The following PRSS55 variants were observed in gnomAD, a reference collection of about 807,000 sequenced individuals.
PRSS55 encodes the protein serine protease 55.
PRSS55 carries 41 observed loss-of-function variants against 23.6 expected under a neutral mutation model. The observed-to-expected ratio is 1.74, with a 90% CI of 1.35 to 2.26. PRSS55 has a LOEUF of 2.26. PRSS55 is among the 30% of genes most tolerant of loss of function. PRSS55 has a pLI of 0.00. For synonymous variants in PRSS55, 262 were observed against 175.5 expected (o/e 1.49, Z -3.90); for missense variants, 669 against 439.1 (o/e 1.52, Z -4.68).
In PRSS55 at chr8:10,538,787, G is replaced by A. The variant is rs1812550539; in HGVS notation, c.1053G>A (p.Leu351=). 6.4e-7 allele frequency: 1 copy of A among 1,558,428 alleles called. No individual in the cohort carries two copies. The highest frequency in any genetic ancestry group is 1.4e-5 in the African/African-American group (1 of 72,682). ...PLSHVLFRAI[L]Y Reference sequence around the variant, plus strand: ...CCCATGTGTTGTTCAGAGCTATTTTGTACTGATAATAAAATAGAGGCTATT... The same window carrying A: ...CCCATGTGTTGTTCAGAGCTATTTTATACTGATAATAAAATAGAGGCTATT... Residue 351 remains leucine (L), a synonymous_variant, in exon 5 of 5, where the codon TTG becomes TTA. Transcript: ENST00000328655.
chr8:10,536,581 G>A (rs759347332), intron 4 of PRSS55, among the ~76,000 whole-genome samples: 11 of 152,060 alleles, frequency 7.2e-5, no homozygotes, highest in Non-Finnish European at 1.5e-5. Flanking sequence ...TCGTCACAGC[G>A]CTATTCACAG....
chr8:10,525,990 A>G (rs901643540), intron 1 of PRSS55, among the ~76,000 whole-genome samples: 2 of 152,180 alleles, frequency 1.3e-5, no homozygotes, highest in South Asian at 2.1e-4. Flanking sequence ...CTTGCCTAGA[A>G]CTAGCTGAGA....
Position 10,533,002 on chromosome 8 carries a change from A to C in PRSS55, c.695A>C (p.Asn232Thr), listed in dbSNP as rs1366125244. The C allele has an allele frequency of 1.2e-6, 2 of 1,614,230 alleles. No homozygotes were observed. The highest frequency in any genetic ancestry group is 2.2e-5 in the South Asian group (2 of 91,078). Residue 232 changes from asparagine (N) to threonine (T), a missense_variant, in exon 4 of 5, where the codon AAT becomes ACT. Physicochemically the swap from Asn to Thr is moderately conservative, Grantham distance 65 (BLOSUM62 0). Transcript: ENST00000328655. ...AAGATGTTTCCAAAACTTACCAAAA[A>C]TATGCTGTGTGCCGGATACAAGAAT... ...CSKMFPKLTK[N>T]MLCAGYKNES...
At chr8:10,549,455 G>C (rs1312329134) in intron 4 of PRSS55, among the ~76,000 whole-genome samples, 1 of 152,230 alleles carries the variant, frequency 6.6e-6, no homozygotes, top group Non-Finnish European at 1.5e-5. Flanking sequence ...TCGGCATGTT[G>C]GGATGTGGGC....
downstream of PRSS55, among the ~76,000 whole-genome samples, chr8:10,543,042 C>T (rs185895203): frequency 5.3e-5 from 8 of 152,198 alleles, no homozygotes; most frequent in South Asian, 2.1e-4. Context: ...TTCTCAAGAT[C>T]CATTTCTTAT....
At chr8:10,539,104 C>T (rs957654069), downstream of PRSS55, among the ~76,000 whole-genome samples, 1 of 151,362 alleles carries the variant, frequency 6.6e-6, no homozygotes, top group Admixed American at 6.6e-5. Flanking sequence ...ATGATGACTT[C>T]AGGCGTGGCT....
downstream of PRSS55, among the ~76,000 whole-genome samples, chr8:10,541,974 A>C (rs1411917626): frequency 6.6e-6 from 1 of 152,040 alleles, no homozygotes; most frequent in Non-Finnish European, 1.5e-5. Flanking sequence ...TGGGAGTTTC[A>C]CTATGTTGCC....
Position 10,525,691 on chromosome 8 carries a change from A to T in PRSS55, c.106A>T (p.Arg36Trp). ...EAGVAILGRA[R>W]GAHRPQPPHP... The stretch of plus-strand genomic sequence containing the variant: ...TGGAGTGGCTATCCTAGGCAGGGCT[A>T]GGGGAGCCCACCGCCCTCAGCCCCC... The change falls in exon 1 of 5, where the codon AGG (arginine) becomes TGG (tryptophan). Residue 36 changes from arginine (R) to tryptophan (W), a missense_variant. Physicochemically the swap from Arg to Trp is moderately radical, Grantham distance 101. Coordinates refer to ENST00000328655, the MANE Select transcript of PRSS55 (RefSeq NM_198464.4). 1 of 1,613,758 alleles carries T rather than the reference A, an allele frequency of 6.2e-7. No individual in the cohort carries two copies. Among genetic ancestry groups the T allele is most frequent in the South Asian group, 1.1e-5 (1 of 91,022 alleles).
chr8:10,531,610 C>G (rs1361069291), intron 3 of PRSS55, 65 bp downstream of exon 3: 3 of 1,586,288 alleles, frequency 1.9e-6, no homozygotes, highest in Middle Eastern at 2.0e-4. Context: ...GGGGAGGAAG[C>G]TAAGGAAGGA....
chr8:10,532,159 G>C lies in PRSS55; in HGVS notation c.598+614G>C, dbSNP rs764945941. On this transcript the variant is annotated intron_variant, in intron 3 of 4. Transcript: ENST00000328655. ...CCTGAAGGAGGCTCTCGATCCACAG[G>C]GATGATTTGCAGCGAGCCTGGGCCT... Among the ~76,000 whole-genome samples, 8 of 152,292 alleles carry C rather than the reference G, an allele frequency of 5.3e-5. 1 individual carries two copies. Among genetic ancestry groups the C allele is most frequent in the Admixed American group, 3.9e-4 (6 of 15,292 alleles).
At position 10,529,593 on chromosome 8, in the gene PRSS55, T is replaced by C. The variant is rs995056848; in HGVS notation, c.241T>C (p.Trp81Arg). The C allele has an allele frequency of 1.9e-6, 3 of 1,614,182 alleles. No homozygotes were observed. The highest frequency in any genetic ancestry group is 2.5e-6 in the Non-Finnish European group (3 of 1,180,016). Residue 81 changes from tryptophan to arginine, a missense_variant, in exon 2 of 5, where the codon TGG (tryptophan) becomes CGG (arginine). Physicochemically the swap from Trp to Arg is moderately radical, Grantham distance 101. Coordinates refer to ENST00000328655, the MANE Select transcript of PRSS55 (RefSeq NM_198464.4). The part of the protein sequence containing the change: ...GMEAEVGEFP[W>R]QVSIQARSEP... The stretch of plus-strand genomic sequence containing the variant: ...GGAGGCGGAGGTGGGTGAGTTTCCG[T>C]GGCAGGTGAGTATTCAGGCAAGAAG...
intron 4 of PRSS55, among the ~76,000 whole-genome samples, chr8:10,551,935 G>A (rs1374800178): frequency 6.6e-6 from 1 of 152,222 alleles, no homozygotes; most frequent in African/African-American, 2.4e-5. Context: ...CCTGCCCAAA[G>A]AGGCAGTTAA....
intron 4 of PRSS55, among the ~76,000 whole-genome samples, chr8:10,533,765 C>A (rs754002819): frequency 6.6e-6 from 1 of 152,136 alleles, no homozygotes; most frequent in Non-Finnish European, 1.5e-5. Flanking sequence ...GCTCATTGGC[C>A]AGGCAGTGGA....
At position 10,529,623 on chromosome 8, in the gene PRSS55, C is replaced by T; in HGVS notation, c.271C>T (p.Pro91Ser). 2 of 1,614,146 alleles carry T rather than the reference C, an allele frequency of 1.2e-6. No homozygotes were observed. Among genetic ancestry groups the T allele is most frequent in the East Asian group, 2.2e-5 (1 of 44,878 alleles). The change falls in exon 2 of 5, where the codon CCT becomes TCT. Residue 91 changes from proline (P) to serine (S), a missense_variant. Transcript: ENST00000328655. ...GGTGAGTATTCAGGCAAGAAGTGAA[C>T]CTTTCTGTGGCGGCTCCATCCTCAA... Reference protein sequence around the residue: ...WQVSIQARSEPFCGGSILNKW... With the variant: ...WQVSIQARSESFCGGSILNKW...
In PRSS55 at chr8:10,538,610, C is replaced by A; in HGVS notation, c.876C>A (p.Asn292Lys). The A allele has an allele frequency of 2.5e-6, 4 of 1,614,160 alleles. No individual in the cohort carries two copies. The highest frequency in any genetic ancestry group is 1.3e-5 in the African/African-American group (1 of 75,040). Residue 292 changes from asparagine (N) to lysine (K), a missense_variant, in exon 5 of 5, where the codon AAC (asparagine) becomes AAA (lysine). Coordinates refer to ENST00000328655, the MANE Select transcript of PRSS55 (RefSeq NM_198464.4). The part of the protein sequence containing the change: ...PGIYTSLVNY[N>K]LWIEKVTQLE... ...TATACACCTCGTTGGTGAACTACAA[C>A]CTCTGGATCGAGAAAGTGACCCAGC...
chr8:10,538,792 G>T lies in PRSS55; in HGVS notation c.1058G>T (p.Ter353LeuextTer1). The change falls in exon 5 of 5, where the codon TGA (stop) becomes TTA (leucine). Residue 353 changes from the stop codon to leucine (L), a stop_lost. Transcript: ENST00000328655. ...SHVLFRAILY[*>L] ...GTGTTGTTCAGAGCTATTTTGTACT[G>T]ATAATAAAATAGAGGCTATTCTTTC... 6.4e-7 allele frequency: 1 copy of T among 1,550,930 alleles called. No individual in the cohort carries two copies. Among genetic ancestry groups the T allele is most frequent in the African/African-American group, 1.4e-5 (1 of 72,494 alleles).
chr8:10,553,618 G>C (rs752638757), intron 4 of PRSS55, among the ~76,000 whole-genome samples: 2 of 152,220 alleles, frequency 1.3e-5, no homozygotes, highest in African/African-American at 4.8e-5. Flanking sequence ...GAATCGCAGA[G>C]TAGAATGGTG....
In PRSS55 at chr8:10,525,725, C is replaced by G. The variant is rs780054130; in HGVS notation, c.140C>G (p.Pro47Arg). Residue 47 changes from proline to arginine, a missense_variant, in exon 1 of 5, where the codon CCC becomes CGC. Physicochemically the swap from Pro to Arg is moderately radical, Grantham distance 103. Coordinates refer to ENST00000328655, the MANE Select transcript of PRSS55 (RefSeq NM_198464.4). Reference protein sequence around the residue: ...GAHRPQPPHPPSPVSECGDRS... With the variant: ...GAHRPQPPHPRSPVSECGDRS... ...CACCGCCCTCAGCCCCCTCATCCCC[C>G]CAGCCCAGTCAGTGGTGAGTACAGG... 2 of 1,607,942 alleles carry G rather than the reference C, an allele frequency of 1.2e-6. No homozygotes were observed. The highest frequency in any genetic ancestry group is 2.2e-5 in the South Asian group (2 of 90,092).
At position 10,525,557 on chromosome 8, in the gene PRSS55, C is replaced by G; in HGVS notation, c.-29C>G. On this transcript the variant is annotated 5_prime_UTR_variant, in exon 1 of 5. Coordinates refer to ENST00000328655, the MANE Select transcript of PRSS55 (RefSeq NM_198464.4). ...ACTGCCTCAGCCCTGGCCTCTGTCACCCCCGGGCCCACAGCACAGCCCAGG... is the reference window on the plus strand; with the variant it reads ...ACTGCCTCAGCCCTGGCCTCTGTCAGCCCCGGGCCCACAGCACAGCCCAGG... 2 of 1,601,820 alleles carry G rather than the reference C, an allele frequency of 1.2e-6. No homozygotes were observed. Among genetic ancestry groups the G allele is most frequent in the Non-Finnish European group, 8.5e-7 (1 of 1,171,616 alleles).
Sources: allele counts gnomAD v4.1 joint callset (sites outside exome capture counted in the v4.1 genomes callset), GRCh38; gene constraint gnomAD v4.1.1; transcripts MANE v1.5; gene names NCBI Gene and HGNC (gene_info 2026-07-23, HGNC 2026-07-21).